The following BLK variants were observed in gnomAD, a reference collection of about 807,000 sequenced individuals.
The protein encoded by BLK is tyrosine-protein kinase Blk.
BLK carries 64 observed loss-of-function variants against 61.8 expected under a neutral mutation model. That is an observed-to-expected ratio of 1.03 (90% CI 0.85 to 1.27). The LOEUF (loss-of-function observed/expected upper bound fraction) is 1.27, where lower values mean the gene tolerates loss of function less well. Ranked by LOEUF, BLK falls within the 50% of genes most tolerant of loss-of-function variation. BLK has a pLI of 0.00. For missense variants in BLK, 853 were observed against 660.5 expected, an observed-to-expected ratio of 1.29 and a Z score of -3.19; for synonymous variants, 351 against 272.0, an observed-to-expected ratio of 1.29 and a Z score of -2.86.
chr8:11,535,382 A>G (rs1800093301), intron 1 of BLK, among the ~76,000 whole-genome samples: 1 of 152,366 alleles, frequency 6.6e-6, no homozygotes, highest in East Asian at 1.9e-4. Flanking sequence ...TGCACAAAGC[A>G]TTAGCTGTGA....
rs189658600 is a variant in BLK, at chr8:11,529,036, A to T, written c.-1-14188A>T. On this transcript the variant is annotated intron_variant, in intron 1 of 12. Coordinates refer to ENST00000259089, the MANE Select transcript of BLK (RefSeq NM_001715.3). ...GATGGGTTGATAGGTGCAGCAAACC[A>T]CCATAGCACACGTTTACATATGTAA... Among the ~76,000 whole-genome samples the T allele has an allele frequency of 3.4e-4, 52 of 152,284 alleles. No homozygotes were observed. The South Asian group carries it at 3.9e-3, about 12-fold the overall frequency.
At chr8:11,501,825 G>A (rs1006958255) in intron 1 of BLK, among the ~76,000 whole-genome samples, 16 of 152,242 alleles carry the variant, frequency 1.1e-4, no homozygotes, top group African/African-American at 3.6e-4. Flanking sequence ...AGTTGGGGCA[G>A]GCTGCAGCCT....
At chr8:11,550,359 G>A in intron 6 of BLK, 97 bp downstream of exon 6, 2 of 1,191,292 alleles carry the variant, frequency 1.7e-6, no homozygotes, top group Non-Finnish European at 2.5e-6. Context: ...AGGGGTGACT[G>A]CCAGGAGAAC....
intron 1 of BLK, among the ~76,000 whole-genome samples, chr8:11,506,484 A>C (rs1163883041): frequency 6.6e-6 from 1 of 152,186 alleles, no homozygotes; most frequent in African/African-American, 2.4e-5. Context: ...GGGTGGGCTC[A>C]GGTGAATGAC....
intron 1 of BLK, among the ~76,000 whole-genome samples, chr8:11,496,942 G>A: frequency 6.6e-6 from 1 of 152,146 alleles, no homozygotes; most frequent in East Asian, 1.9e-4. Flanking sequence ...TGCAGCCTGG[G>A]GTCTGCAGCC....
intron 1 of BLK, among the ~76,000 whole-genome samples, chr8:11,510,736 G>A (rs921546831): frequency 4.6e-5 from 7 of 151,756 alleles, no homozygotes; most frequent in Admixed American, 3.3e-4. Flanking sequence ...CCGGGATAGC[G>A]CCACTGTACT....
At chr8:11,504,367 G>GGAAGGAAGGAAGA (rs1554540059) in intron 1 of BLK, among the ~76,000 whole-genome samples, 8 of 39,360 alleles carry the variant, frequency 2.0e-4, no homozygotes, top group South Asian at 1.2e-3. Context: ...AAGGAAGGAA[G>GGAAGGAAGGAAGA]AAAGAAAAGA....
At chr8:11,504,570 G>A (rs1309082291) in intron 1 of BLK, among the ~76,000 whole-genome samples, 2 of 152,158 alleles carry the variant, frequency 1.3e-5, no homozygotes, top group African/African-American at 2.4e-5. Flanking sequence ...AGGGACGTGC[G>A]TTTAAGATCT....
chr8:11,548,948 G>A, intron 4 of BLK, 76 bp from the exon 5 acceptor site: 1 of 1,312,542 alleles, frequency 7.6e-7, no homozygotes, highest in Middle Eastern at 1.8e-4. Flanking sequence ...AGATGACTTT[G>A]AGGAGGCCTG....
rs1291987171 is a variant in BLK at position 11,562,867 on chromosome 8, G to A, written c.1181-112G>A. The A allele has an allele frequency of 1.1e-5, 16 of 1,494,202 alleles. No individual in the cohort carries two copies. The Admixed American group carries it at 2.8e-4, about 26-fold the overall frequency. 92.6% of individuals were successfully genotyped at this position (1,494,202 alleles called of 1,614,324 possible). ...ATGCCTGGCCGCCCCGCCCTGTGAG[G>A]CCCCGCAGTGGGGGCTTGATGGAAG... On this transcript the variant is annotated intron_variant, in intron 11 of 12. Transcript: ENST00000259089.
In BLK at chr8:11,521,668, A is replaced by G. The variant is rs1799454216; in HGVS notation, c.-1-21556A>G. Among the ~76,000 whole-genome samples, 2 of 152,212 alleles carry G rather than the reference A, an allele frequency of 1.3e-5. 1 individual carries two copies. The highest frequency in any genetic ancestry group is 4.1e-4 in the South Asian group (2 of 4,824). ...GTAAGGCCACAGTTTTATGTGAAGA[A>G]AAAAGTTTTCTCAGCCTCATTTATC... On this transcript the variant is annotated intron_variant, in intron 1 of 12. Transcript: ENST00000259089.
intron 1 of BLK, among the ~76,000 whole-genome samples, chr8:11,503,968 G>T (rs1403652509): frequency 2.0e-5 from 3 of 152,156 alleles, no homozygotes; most frequent in African/African-American, 7.2e-5. Flanking sequence ...GAGATGAAGG[G>T]ATCTACCCTG....
intron 1 of BLK, among the ~76,000 whole-genome samples, chr8:11,501,352 TCTC>T (rs1170129817): frequency 7.9e-5 from 8 of 100,892 alleles, no homozygotes; most frequent in African/African-American, 1.8e-4. Context: ...CTAAACTCTC[TCTC>T]TTTTTTTTTT....
At chr8:11,548,239 CT>C (rs1800737349) in intron 4 of BLK, 114 bp downstream of exon 4, 6 of 888,160 alleles carry the variant, frequency 6.8e-6, no homozygotes, top group Non-Finnish European at 1.1e-5. Flanking sequence ...CTCCATCGCC[CT>C]GCCCCCAGCC....
At chr8:11,553,624 G>A in intron 6 of BLK, 1 of 192,178 alleles carries the variant, frequency 5.2e-6, no homozygotes, top group East Asian at 1.5e-4. Flanking sequence ...AACTCCCTAA[G>A]GCCAGGCTCG....
At chr8:11,522,616 GT>G (rs1184898297) in intron 1 of BLK, among the ~76,000 whole-genome samples, 1 of 151,300 alleles carries the variant, frequency 6.6e-6, no homozygotes, top group African/African-American at 2.4e-5. Flanking sequence ...TTGAAACAGT[GT>G]CCCTTAGAAA....
intron 1 of BLK, among the ~76,000 whole-genome samples, chr8:11,521,132 A>C (rs1326285464): frequency 6.6e-6 from 1 of 152,348 alleles, no homozygotes; most frequent in East Asian, 1.9e-4. Flanking sequence ...GTGGGAATTG[A>C]GTAAGTGATA....
intron 1 of BLK, among the ~76,000 whole-genome samples, chr8:11,500,935 G>A (rs573095041): frequency 3.9e-5 from 6 of 152,118 alleles, no homozygotes; most frequent in East Asian, 3.9e-4. Context: ...TTGGCCAGGC[G>A]TGGTGGCTCA....
At chr8:11,522,440 G>A (rs893185582) in intron 1 of BLK, among the ~76,000 whole-genome samples, 3 of 152,160 alleles carry the variant, frequency 2.0e-5, no homozygotes, top group Non-Finnish European at 2.9e-5. Context: ...ATCGCTTTGG[G>A]GAGTGTTTTG....
Sources: allele counts gnomAD v4.1 joint callset (sites outside exome capture counted in the v4.1 genomes callset), GRCh38; gene constraint gnomAD v4.1.1; transcripts MANE v1.5; gene names NCBI Gene and HGNC (gene_info 2026-07-23, HGNC 2026-07-21).